TRIM44: variants seen among roughly 807,000 people sequenced by gnomAD.
TRIM44 encodes tripartite motif-containing protein 44.
TRIM44 carries 13 observed loss-of-function variants against 37.4 expected under a neutral mutation model. The ratio of observed to expected loss-of-function variants is 0.35; its 90% CI spans 0.23 to 0.55. TRIM44 has a LOEUF of 0.55. TRIM44 is among the 20% of genes least tolerant of loss of function. The pLI is 0.89. For synonymous variants in TRIM44, 175 were observed against 157.2 expected, an observed-to-expected ratio of 1.11 and a Z score of -0.85; for missense variants, 426 against 437.2, an observed-to-expected ratio of 0.97 and a Z score of 0.23.
At chr11:35,688,579 G>A (rs952880703) in intron 2 of TRIM44, among the ~76,000 whole-genome samples, 1 of 151,984 alleles carries the variant, frequency 6.6e-6, no homozygotes, top group Admixed American at 6.6e-5. Flanking sequence ...TTTCCTTTAT[G>A]TGGAATATCT....
chr11:35,785,729 A>T (rs1853123506), intron 4 of TRIM44, among the ~76,000 whole-genome samples: 1 of 152,216 alleles, frequency 6.6e-6, no homozygotes. Context: ...TCCTCTAGCA[A>T]ATGTGCCTTC....
At chr11:35,726,683 TAAA>T (rs34279918) in intron 3 of TRIM44, among the ~76,000 whole-genome samples, 17 of 147,278 alleles carry the variant, frequency 1.2e-4, no homozygotes, top group South Asian at 6.5e-4. Context: ...ATTGTAAGAT[TAAA>T]AAAAAAAAAA....
intron 1 of TRIM44, among the ~76,000 whole-genome samples, chr11:35,682,242 T>C (rs1851528476): frequency 6.6e-6 from 1 of 152,190 alleles, no homozygotes; most frequent in African/African-American, 2.4e-5. Context: ...TGAGTCCGTC[T>C]GCCTGAAGAT....
chr11:35,694,936 C>T (rs1288851945), intron 2 of TRIM44, among the ~76,000 whole-genome samples: 1 of 152,076 alleles, frequency 6.6e-6, no homozygotes, highest in Non-Finnish European at 1.5e-5. Context: ...AGCATAATAA[C>T]TTAGTGTTAT....
chr11:35,736,323 G>A (rs1352858144), intron 4 of TRIM44, among the ~76,000 whole-genome samples: 2 of 152,186 alleles, frequency 1.3e-5, no homozygotes, highest in African/African-American at 2.4e-5. Context: ...AGTTGGGGCA[G>A]CATTCATTGA....
At chr11:35,778,402 A>T (rs1853003977) in intron 4 of TRIM44, among the ~76,000 whole-genome samples, 1 of 152,178 alleles carries the variant, frequency 6.6e-6, no homozygotes, top group Non-Finnish European at 1.5e-5. Context: ...GGGTTCAAAC[A>T]TCCTCCTTTA....
At chr11:35,702,580 A>T (rs1420846294) in intron 2 of TRIM44, among the ~76,000 whole-genome samples, 1 of 152,196 alleles carries the variant, frequency 6.6e-6, no homozygotes, top group Admixed American at 6.5e-5. Context: ...AGATTCTAGG[A>T]AGTAAGACCC....
intron 4 of TRIM44, among the ~76,000 whole-genome samples, chr11:35,787,300 A>G (rs913320079): frequency 6.6e-6 from 1 of 152,204 alleles, no homozygotes; most frequent in Admixed American, 6.5e-5. Flanking sequence ...GGGTTATGGT[A>G]TGGTTAAACA....
chr11:35,759,761 C>T (rs1197918150), intron 4 of TRIM44, among the ~76,000 whole-genome samples: 1 of 152,218 alleles, frequency 6.6e-6, no homozygotes, highest in Admixed American at 6.5e-5. Context: ...TGGAGGTCCA[C>T]TCCAGACCCT....
In TRIM44 at chr11:35,663,009, C is replaced by G. The variant is rs1851287394; in HGVS notation, c.-103C>G. On this transcript the variant is annotated 5_prime_UTR_variant, in exon 1 of 5. Transcript: ENST00000299413. ...GCGGCGCGGTCCAGGCGGGAGGCGACTCCCTAGGAAGGGACCCGGGGCGGG... is the reference window on the plus strand; with the variant it reads ...GCGGCGCGGTCCAGGCGGGAGGCGAGTCCCTAGGAAGGGACCCGGGGCGGG... 7.1e-7 allele frequency: 1 copy of G among 1,416,156 alleles called. No homozygotes were observed. Among genetic ancestry groups the G allele is most frequent in the Admixed American group, 3.0e-5 (1 of 33,498 alleles). The allele number at this position is 1,416,156 out of a possible 1,614,324, so 87.7% of individuals were successfully genotyped here.
rs1590616416 is a variant in TRIM44, at chr11:35,808,284, T to C, written c.*1899T>C. ...GCTAGGACAATTTTGGTGCTTTACC[T>C]ATCTCTGCAAAGACTGGAGAATTTG... On this transcript the variant is annotated 3_prime_UTR_variant, in exon 5 of 5. Transcript: ENST00000299413. 1 of 151,294 alleles carries C rather than the reference T, an allele frequency of 6.6e-6. No homozygotes were observed. The highest frequency in any genetic ancestry group is 1.5e-5 in the Non-Finnish European group (1 of 67,860). 9.4% of individuals were successfully genotyped at this position (151,294 alleles called of 1,614,324 possible). A position where few individuals can be genotyped will look rare whatever the true frequency, so the allele number is the denominator to read the frequency against.
rs1319145613 is a variant in TRIM44, at chr11:35,728,394, C to G, written c.987+2231C>G. Among the ~76,000 whole-genome samples, 3 of 152,166 alleles carry G rather than the reference C, an allele frequency of 2.0e-5. No individual in the cohort carries two copies. The East Asian group carries it at 5.8e-4, about 29-fold the overall frequency. ...TTTAATCTATGAATTTAGTCCTTCT[C>G]TGACATTAGCTGTCCTTTAAGCACC... is the stretch of plus-strand genomic sequence containing the variant. On this transcript the variant is annotated intron_variant, in intron 3 of 4. Coordinates refer to ENST00000299413, the MANE Select transcript of TRIM44 (RefSeq NM_017583.6).
chr11:35,681,997 C>T (rs1042708657), intron 1 of TRIM44, among the ~76,000 whole-genome samples: 1 of 134,260 alleles, frequency 7.4e-6, no homozygotes, highest in Non-Finnish European at 1.5e-5. Context: ...CTCGCTCTGT[C>T]ACCCAGGCTG....
intron 4 of TRIM44, among the ~76,000 whole-genome samples, chr11:35,800,338 C>G (rs899657508): frequency 3.4e-4 from 52 of 152,254 alleles, no homozygotes; most frequent in Admixed American, 1.4e-3. Flanking sequence ...GAAGGGGACC[C>G]GAGTGGGTTG....
intron 4 of TRIM44, among the ~76,000 whole-genome samples, chr11:35,744,730 A>G (rs765201610): frequency 6.6e-6 from 1 of 151,652 alleles, no homozygotes; most frequent in Non-Finnish European, 1.5e-5. Context: ...CCCACACCCA[A>G]CCCTCTGACA....
rs1452784738 is a variant in TRIM44 at position 35,813,845 on chromosome 11, A to C, written c.*7460A>C. The C allele has an allele frequency of 6.6e-6, 1 of 152,218 alleles. No homozygotes were observed. Among genetic ancestry groups the C allele is most frequent in the Non-Finnish European group, 1.5e-5 (1 of 68,038 alleles). 9.4% of individuals were successfully genotyped at this position (152,218 alleles called of 1,614,324 possible). On this transcript the variant is annotated 3_prime_UTR_variant, in exon 5 of 5. Transcript: ENST00000299413. Reference sequence around the variant, plus strand: ...TCCAGAATATTTAGCTAAATCAAACAGTGTATATCCCCCTAGCTGACTTTT... The same window carrying C: ...TCCAGAATATTTAGCTAAATCAAACCGTGTATATCCCCCTAGCTGACTTTT...
chr11:35,767,038 C>T (rs898757010), intron 4 of TRIM44, among the ~76,000 whole-genome samples: 8 of 152,238 alleles, frequency 5.3e-5, no homozygotes, highest in Non-Finnish European at 1.0e-4. Flanking sequence ...AGGCAAGATT[C>T]GTAAACAACA....
At chr11:35,785,755 T>C (rs1199522659) in intron 4 of TRIM44, among the ~76,000 whole-genome samples, 1 of 152,224 alleles carries the variant, frequency 6.6e-6, no homozygotes, top group African/African-American at 2.4e-5. Context: ...CCTATATAAC[T>C]GAAGCAAAGC....
At chr11:35,782,772 G>A (rs1023786719) in intron 4 of TRIM44, among the ~76,000 whole-genome samples, 2 of 152,314 alleles carry the variant, frequency 1.3e-5, no homozygotes, top group African/African-American at 2.4e-5. Flanking sequence ...CCTAACTGCA[G>A]TGTAGGCTAG....
Sources: allele counts gnomAD v4.1 joint callset (sites outside exome capture counted in the v4.1 genomes callset), GRCh38; gene constraint gnomAD v4.1.1; transcripts MANE v1.5; gene names NCBI Gene and HGNC (gene_info 2026-07-23, HGNC 2026-07-21).